SERPIND1: variants seen among roughly 807,000 people sequenced by gnomAD.
SERPIND1 encodes the protein serpin family D member 1.
A neutral mutation model predicts 35.0 loss-of-function variants in SERPIND1; 34 were observed. The observed-to-expected ratio is 0.97, with a 90% CI of 0.74 to 1.29. SERPIND1 has a LOEUF of 1.29. SERPIND1 is among the 50% of genes most tolerant of loss of function. SERPIND1 has a pLI of 0.00. For missense variants in SERPIND1, 633 were observed against 637.7 expected (o/e 0.99, Z 0.08); for synonymous variants, 236 against 241.1 (o/e 0.98, Z 0.19).
At chr22:20,781,472 AC>A (rs947305834) in intron 2 of SERPIND1, among the ~76,000 whole-genome samples, 1 of 151,562 alleles carries the variant, frequency 6.6e-6, no homozygotes, top group Non-Finnish European at 1.5e-5. Context: ...AAGGAAGGAG[AC>A]CCCCCCCAGC....
intron 1 of SERPIND1, among the ~76,000 whole-genome samples, chr22:20,778,954 C>T (rs1933524581): frequency 6.6e-6 from 1 of 152,204 alleles, no homozygotes; most frequent in Non-Finnish European, 1.5e-5. Flanking sequence ...GGTAACTAAA[C>T]ACTGTCTGGA....
chr22:20,779,255 T>C, intron 1 of SERPIND1, 42 bp from the exon 2 acceptor site: 1 of 1,611,160 alleles, frequency 6.2e-7, no homozygotes, highest in Non-Finnish European at 8.5e-7. Flanking sequence ...GGGGTGTGGA[T>C]CAGCCAGGCC....
chr22:20,782,263 T>A (rs1468576259), intron 2 of SERPIND1, among the ~76,000 whole-genome samples: 2 of 152,090 alleles, frequency 1.3e-5, no homozygotes, highest in Non-Finnish European at 2.9e-5. Flanking sequence ...GGTGGAGAAA[T>A]GATCAGGCAT....
rs770537902 is a variant in SERPIND1, at chr22:20,779,668, G to A, written c.356G>A (p.Gly119Asp). 6.8e-6 allele frequency: 11 copies of A among 1,614,050 alleles called. No homozygotes were observed. The highest frequency in any genetic ancestry group is 2.2e-5 in the East Asian group (1 of 44,888). The change falls in exon 2 of 5, where the codon GGC becomes GAC. Residue 119 changes from glycine to aspartate, a missense_variant. By Grantham distance (94) the Gly-to-Asp change is moderately conservative. Transcript: ENST00000215727. Reference protein sequence around the residue: ...SAGNILQLFHGKSRIQRLNIL... With the variant: ...SAGNILQLFHDKSRIQRLNIL... ...GGGAACATCCTCCAGCTTTTTCATG[G>A]CAAGAGCCGGATCCAGCGTCTTAAC...
chr22:20,774,384 T>A (rs1933076220), intron 1 of SERPIND1, among the ~76,000 whole-genome samples: 1 of 152,362 alleles, frequency 6.6e-6, no homozygotes, highest in South Asian at 2.1e-4. Flanking sequence ...GTACTTATAT[T>A]AAATTAATCG....
intron 1 of SERPIND1, among the ~76,000 whole-genome samples, chr22:20,775,000 T>C (rs1276935901): frequency 1.3e-5 from 2 of 152,238 alleles, no homozygotes; most frequent in African/African-American, 2.4e-5. Flanking sequence ...TTTTGGAAGT[T>C]TGAACTTACT....
intron 4 of SERPIND1, among the ~76,000 whole-genome samples, chr22:20,786,492 A>G (rs561097135): frequency 6.6e-6 from 1 of 152,288 alleles, no homozygotes; most frequent in African/African-American, 2.4e-5. Context: ...CGCACTATAC[A>G]CATACTTAAC....
chr22:20,786,149 G>C lies in SERPIND1; in HGVS notation c.1308+1G>C. ...AGACCAAAGGATCGCCATCGACCTGGTAACCACTCCCTTGTCCACCCCCGA... is the reference window on the plus strand; with the variant it reads ...AGACCAAAGGATCGCCATCGACCTGCTAACCACTCCCTTGTCCACCCCCGA... On this transcript the variant is annotated splice_donor_variant, in intron 4 of 4. Coordinates refer to ENST00000215727, the MANE Select transcript of SERPIND1 (RefSeq NM_000185.4). LOFTEE classifies it high-confidence loss of function. 6.2e-7 allele frequency: 1 copy of C among 1,613,992 alleles called. No homozygotes were observed. The highest frequency in any genetic ancestry group is 2.2e-5 in the East Asian group (1 of 44,882).
rs767388476 is a variant in SERPIND1 at position 20,779,855 on chromosome 22, G to T, written c.543G>T (p.Leu181Phe). The change falls in exon 2 of 5, where the codon TTG (leucine) becomes TTT (phenylalanine). Residue 181 changes from leucine to phenylalanine, a missense_variant. Coordinates refer to ENST00000215727, the MANE Select transcript of SERPIND1 (RefSeq NM_000185.4). ...CCCATGAACAAGTGCACTCGATTTT[G>T]CATTTTAAAGACTTTGTTAATGCCA... is the stretch of plus-strand genomic sequence containing the variant. ...GETHEQVHSI[L>F]HFKDFVNASS... 3 of 1,614,194 alleles carry T rather than the reference G, an allele frequency of 1.9e-6. No homozygotes were observed. The South Asian group carries it at 3.3e-5, about 18-fold the overall frequency.
At chr22:20,781,745 T>C (rs548199170) in intron 2 of SERPIND1, among the ~76,000 whole-genome samples, 4 of 152,364 alleles carry the variant, frequency 2.6e-5, no homozygotes, top group African/African-American at 7.2e-5. Context: ...TGAACACACA[T>C]ATCCTTTTCA....
At chr22:20,784,288 TG>T in intron 3 of SERPIND1, 43 bp downstream of exon 3, 1 of 1,612,386 alleles carries the variant, frequency 6.2e-7, no homozygotes, top group Non-Finnish European at 8.5e-7. Context: ...TCCCAGATGC[TG>T]GGGGTGTCTG....
chr22:20,776,320 C>A (rs1933268931), intron 1 of SERPIND1, among the ~76,000 whole-genome samples: 1 of 151,966 alleles, frequency 6.6e-6, no homozygotes, highest in Non-Finnish European at 1.5e-5. Context: ...TGAGACCCCG[C>A]CGTCTCAAAA....
chr22:20,779,532 G>T lies in SERPIND1; in HGVS notation c.220G>T (p.Glu74Ter), dbSNP rs1388771469. 1 of 1,613,992 alleles carries T rather than the reference G, an allele frequency of 6.2e-7. No homozygotes were observed. Among genetic ancestry groups the T allele is most frequent in the Admixed American group, 1.7e-5 (1 of 60,030 alleles). The stretch of plus-strand genomic sequence containing the variant: ...CACCAACGACTGGATTCCAGAGGGG[G>T]AGGAGGACGACGACTATCTGGACCT... Reference protein sequence around the residue: ...TVTNDWIPEGEEDDDYLDLEK... With the variant: ...TVTNDWIPEG The change falls in exon 2 of 5, where the codon GAG (glutamate) becomes TAG (stop). Residue 74 changes from glutamate to a stop codon, truncating the protein, a stop_gained. Transcript: ENST00000215727. LOFTEE classifies it high-confidence loss of function.
At chr22:20,774,493 T>C (rs1404664536) in intron 1 of SERPIND1, among the ~76,000 whole-genome samples, 4 of 152,234 alleles carry the variant, frequency 2.6e-5, no homozygotes, top group Non-Finnish European at 5.9e-5. Context: ...CCGGGTGCAG[T>C]GGCTCACGCC....
In SERPIND1 at chr22:20,781,719, GACC is replaced by G. The variant is rs766959153; in HGVS notation, c.889+1521_889+1523del. Reference sequence around the variant, plus strand: ...GGCTTGCGGCAGACACACACACAGAGACCACATGTACATGATGAACACACATAT... The same window carrying G: ...GGCTTGCGGCAGACACACACACAGAGACATGTACATGATGAACACACATAT... On this transcript the variant is annotated intron_variant, in intron 2 of 4. Coordinates refer to ENST00000215727, the MANE Select transcript of SERPIND1 (RefSeq NM_000185.4). 5.3e-5 allele frequency among the ~76,000 whole-genome samples: 8 copies of G among 152,360 alleles called. No individual in the cohort carries two copies. The East Asian group carries it at 1.4e-3, about 26-fold the overall frequency.
In SERPIND1 at chr22:20,784,295, G is replaced by A. The variant is rs1036280911; in HGVS notation, c.1163+50G>A. The A allele has an allele frequency of 3.7e-6, 6 of 1,609,550 alleles. 1 individual carries two copies. Among genetic ancestry groups the A allele is most frequent in the Non-Finnish European group, 5.1e-6 (6 of 1,176,116 alleles). On this transcript the variant is annotated intron_variant, in intron 3 of 4. Coordinates refer to ENST00000215727, the MANE Select transcript of SERPIND1 (RefSeq NM_000185.4). ...TTTTGAGCTCCCAGATGCTGGGGGT[G>A]TCTGGGAATACTGGAAAATGGATCA...
intron 4 of SERPIND1, 146 bp from the exon 5 acceptor site, chr22:20,786,729 A>G: frequency 1.2e-6 from 1 of 851,290 alleles, no homozygotes; most frequent in Non-Finnish European, 1.9e-6. Flanking sequence ...GGTGACAGAT[A>G]TTTTCAAGAG....
Position 20,786,998 on chromosome 22 carries a change from C to T in SERPIND1, c.1432C>T (p.Leu478Phe), listed in dbSNP as rs758948990. The change falls in exon 5 of 5, where the codon CTC becomes TTC. Residue 478 changes from leucine to phenylalanine, a missense_variant. By Grantham distance (22) the Leu-to-Phe change is conservative. Transcript: ENST00000215727. ...RFTVDRPFLFLIYEHRTSCLL... is the reference protein window; with the variant it reads ...RFTVDRPFLFFIYEHRTSCLL... Reference sequence around the variant, plus strand: ...CACTGTCGACCGCCCCTTTCTTTTCCTCATCTACGAGCATCGCACCAGCTG... The same window carrying T: ...CACTGTCGACCGCCCCTTTCTTTTCTTCATCTACGAGCATCGCACCAGCTG... The T allele has an allele frequency of 2.7e-5, 43 of 1,614,076 alleles. No homozygotes were observed. Among genetic ancestry groups the T allele is most frequent in the Non-Finnish European group, 3.6e-5 (42 of 1,180,038 alleles).
intron 2 of SERPIND1, among the ~76,000 whole-genome samples, chr22:20,781,286 T>C (rs1481449404): frequency 6.6e-6 from 1 of 152,180 alleles, no homozygotes; most frequent in Non-Finnish European, 1.5e-5. Flanking sequence ...CTTTACTCTC[T>C]AAGCTGAGAG....
Sources: allele counts gnomAD v4.1 joint callset (sites outside exome capture counted in the v4.1 genomes callset), GRCh38; gene constraint gnomAD v4.1.1; transcripts MANE v1.5; gene names NCBI Gene and HGNC (gene_info 2026-07-23, HGNC 2026-07-21).